Variants in CNTNAP4 observed in about 807,000 individuals in gnomAD.
The protein encoded by CNTNAP4 is contactin-associated protein-like 4.
CNTNAP4 carries 98 observed loss-of-function variants against 148.4 expected under a neutral mutation model. The ratio of observed to expected loss-of-function variants is 0.66; its 90% confidence interval spans 0.56 to 0.78. The LOEUF (loss-of-function observed/expected upper bound fraction) is 0.78. Among genes scored for constraint, CNTNAP4 ranks in the 30% least tolerant of loss-of-function variants. CNTNAP4 has a pLI of 0.00. For synonymous variants in CNTNAP4, 730 were observed against 565.1 expected (o/e 1.29, Z -4.14); for missense variants, 1,935 against 1,565.6 (o/e 1.24, Z -3.98).
At chr16:76,457,231 A>G (rs1277852696) in intron 8 of CNTNAP4, among the ~76,000 whole-genome samples, 1 of 152,260 alleles carries the variant, frequency 6.6e-6, no homozygotes, top group Non-Finnish European at 1.5e-5. Context: ...TTGTATAGCT[A>G]CAAAACAATT....
intron 17 of CNTNAP4, among the ~76,000 whole-genome samples, chr16:76,534,229 T>C (rs2084116993): frequency 6.6e-6 from 1 of 152,216 alleles, no homozygotes; most frequent in African/African-American, 2.4e-5. Flanking sequence ...TTCATAGTTA[T>C]AACACAGAAA....
chr16:76,398,853 T>C (rs1018968223), intron 3 of CNTNAP4, among the ~76,000 whole-genome samples: 4 of 152,128 alleles, frequency 2.6e-5, no homozygotes, highest in African/African-American at 4.8e-5. Flanking sequence ...TATATACTTA[T>C]ATATTTATCT....
In CNTNAP4 at chr16:76,560,624, C is replaced by T. The variant is rs774251918; in HGVS notation, c.*1941C>T. Among the ~76,000 whole-genome samples, 1 of 152,164 alleles carries T rather than the reference C, an allele frequency of 6.6e-6. No individual in the cohort carries two copies. On this transcript the variant is annotated 3_prime_UTR_variant, in exon 24 of 24. Coordinates refer to ENST00000611870, the MANE Select transcript of CNTNAP4 (RefSeq NM_033401.5). The stretch of plus-strand genomic sequence containing the variant: ...AGGTTTATTGGTGAAGCCTCACAGT[C>T]CTCTGTGGTCTGCACTGCTAGAGAC...
chr16:76,416,580 A>T (rs984029172), intron 3 of CNTNAP4, among the ~76,000 whole-genome samples: 1 of 151,340 alleles, frequency 6.6e-6, no homozygotes, highest in African/African-American at 2.4e-5. Flanking sequence ...TTTATAGTTT[A>T]ATTCCTTTAT....
intron 2 of CNTNAP4, among the ~76,000 whole-genome samples, chr16:76,351,725 A>G (rs549489301): frequency 2.6e-5 from 4 of 152,316 alleles, no homozygotes; most frequent in Non-Finnish European, 5.9e-5. Flanking sequence ...TTAACTGTGA[A>G]TGTTTCAAGT....
chr16:76,557,923 T>C (rs1029666182), intron 23 of CNTNAP4: 1 of 152,242 alleles, frequency 6.6e-6, no homozygotes, highest in South Asian at 2.1e-4. Flanking sequence ...AGAATCGCAG[T>C]ACTTAGAATT....
intron 15 of CNTNAP4, among the ~76,000 whole-genome samples, chr16:76,515,131 A>G (rs1448662244): frequency 6.6e-6 from 1 of 152,196 alleles, no homozygotes; most frequent in African/African-American, 2.4e-5. Flanking sequence ...GAAAGCTTGC[A>G]TGAAGAGGAA....
intron 14 of CNTNAP4, among the ~76,000 whole-genome samples, chr16:76,495,443 A>G (rs2082369442): frequency 6.6e-6 from 1 of 152,106 alleles, no homozygotes; most frequent in Non-Finnish European, 1.5e-5. Flanking sequence ...TAAAATTATC[A>G]ACTTAGAATT....
intron 15 of CNTNAP4, among the ~76,000 whole-genome samples, chr16:76,512,841 G>A (rs917124838): frequency 6.6e-6 from 1 of 152,136 alleles, no homozygotes; most frequent in Non-Finnish European, 1.5e-5. Flanking sequence ...AGTGAAGAAC[G>A]TGTTTCAAGG....
At chr16:76,455,020 C>G (rs1209752938) in intron 8 of CNTNAP4, among the ~76,000 whole-genome samples, 1 of 152,158 alleles carries the variant, frequency 6.6e-6, no homozygotes, top group Non-Finnish European at 1.5e-5. Flanking sequence ...ATATGATGTA[C>G]AGTTTTGCAA....
At chr16:76,534,978 G>C (rs1407509249) in intron 17 of CNTNAP4, among the ~76,000 whole-genome samples, 3 of 152,060 alleles carry the variant, frequency 2.0e-5, no homozygotes, top group East Asian at 3.9e-4. Context: ...CTGAACACTA[G>C]ACTAATCTTT....
Position 76,427,511 on chromosome 16 carries a change from C to G in CNTNAP4, c.450C>G (p.Ile150Met), listed in dbSNP as rs762212147. The change falls in exon 4 of 24, where the codon ATC becomes ATG. Residue 150 changes from isoleucine (I) to methionine (M), a missense_variant. Coordinates refer to ENST00000611870, the MANE Select transcript of CNTNAP4 (RefSeq NM_033401.5). ...TGTACTATAGACTCCAGCCTTCTAT[C>G]AAAGCCAGATTTCTGCGCTTCATCC... The part of the protein sequence containing the change: ...SVVYYRLQPS[I>M]KARFLRFIPL... The G allele has an allele frequency of 7.4e-6, 12 of 1,613,248 alleles. No homozygotes were observed. In the South Asian group the frequency reaches 9.9e-5, roughly 13 times the overall value.
intron 2 of CNTNAP4, among the ~76,000 whole-genome samples, chr16:76,344,368 ACC>A (rs1044948637): frequency 6.6e-6 from 1 of 152,166 alleles, no homozygotes; most frequent in Non-Finnish European, 1.5e-5. Context: ...TCTTCTGACC[ACC>A]TATCTATACA....
At chr16:76,487,526 T>C (rs1054392203) in intron 12 of CNTNAP4, among the ~76,000 whole-genome samples, 2 of 152,220 alleles carry the variant, frequency 1.3e-5, no homozygotes, top group African/African-American at 4.8e-5. Context: ...GAAAGAACAG[T>C]AAAGAGGCTC....
chr16:76,369,179 T>C (rs1365001638), intron 3 of CNTNAP4, among the ~76,000 whole-genome samples: 1 of 152,094 alleles, frequency 6.6e-6, no homozygotes, highest in Non-Finnish European at 1.5e-5. Flanking sequence ...AATGAAAACA[T>C]TTGAAACTGC....
chr16:76,361,808 C>G (rs936156568), intron 3 of CNTNAP4, among the ~76,000 whole-genome samples: 1 of 152,122 alleles, frequency 6.6e-6, no homozygotes, highest in Non-Finnish European at 1.5e-5. Context: ...TCCGATTTCT[C>G]CAATTTCTTG....
At position 76,497,836 on chromosome 16, in the gene CNTNAP4, G is replaced by A. The variant is rs2082456613; in HGVS notation, c.2238-731G>A. Among the ~76,000 whole-genome samples, 3 of 151,584 alleles carry A rather than the reference G, an allele frequency of 2.0e-5. No individual in the cohort carries two copies. The South Asian group carries it at 6.2e-4, about 32-fold the overall frequency. ...CTGCACATGTATCCTAGAACTTAAA[G>A]TATAATAAAATAAAATAAAATGCTA... On this transcript the variant is annotated intron_variant, in intron 14 of 23. Transcript: ENST00000611870.
chr16:76,365,987 T>G (rs17699220), intron 3 of CNTNAP4, among the ~76,000 whole-genome samples: 21,333 of 152,084 alleles, frequency 0.14, 2,112 homozygotes, highest in East Asian at 0.47. Flanking sequence ...TTTATCTTCA[T>G]GGAAATATAT....
intron 1 of CNTNAP4, among the ~76,000 whole-genome samples, chr16:76,307,591 G>C (rs1170848021): frequency 5.0e-5 from 7 of 141,130 alleles, no homozygotes; most frequent in African/African-American, 1.9e-4. Flanking sequence ...CACTATTCCT[G>C]ATATCAAATT....
Sources: allele counts gnomAD v4.1 joint callset (sites outside exome capture counted in the v4.1 genomes callset), GRCh38; gene constraint gnomAD v4.1.1; transcripts MANE v1.5; gene names NCBI Gene and HGNC (gene_info 2026-07-23, HGNC 2026-07-21).